The following IL7 variants were observed in gnomAD, a reference collection of about 807,000 sequenced individuals.
IL7 encodes interleukin 7, also known as interleukin-7.
In IL7, 3 loss-of-function variants were observed where a neutral mutation model predicts 21.6. The observed-to-expected ratio is 0.14, with a 90% CI of 0.06 to 0.36. The LOEUF (loss-of-function observed/expected upper bound fraction) is 0.36. IL7 is among the 10% of genes least tolerant of loss of function. The probability of loss-of-function intolerance (pLI) is 1.00; values close to 1 mark genes in which losing one functional copy is unlikely to be tolerated. For missense variants in IL7, 175 were observed against 200.2 expected, an observed-to-expected ratio of 0.87 and a Z score of 0.76; for synonymous variants, 62 against 68.1, an observed-to-expected ratio of 0.91 and a Z score of 0.44.
intron 2 of IL7, among the ~76,000 whole-genome samples, chr8:78,764,940 C>T (rs772001825): frequency 6.6e-6 from 1 of 152,086 alleles, no homozygotes; most frequent in Non-Finnish European, 1.5e-5. Context: ...CTACCATAAA[C>T]TTACAGTAAT....
intron 5 of IL7, chr8:78,719,362 G>C (rs1323772005): frequency 6.6e-6 from 1 of 151,674 alleles, no homozygotes; most frequent in Admixed American, 6.6e-5. Flanking sequence ...ATGGAGATGA[G>C]TTGGTAAGAA....
At chr8:78,781,324 T>C (rs1410353626) in intron 2 of IL7, among the ~76,000 whole-genome samples, 1 of 152,178 alleles carries the variant, frequency 6.6e-6, no homozygotes, top group African/African-American at 2.4e-5. Flanking sequence ...TTGGTCTGTG[T>C]ACTTCAGTGT....
chr8:78,776,024 G>A (rs1813126654), intron 2 of IL7, among the ~76,000 whole-genome samples: 1 of 151,944 alleles, frequency 6.6e-6, no homozygotes, highest in South Asian at 2.1e-4. Context: ...CCCTATATAT[G>A]CGGTACTTTT....
At chr8:78,678,739 A>G (rs956266912) in intron 4 of IL7, 7 of 1,156,018 alleles carry the variant, frequency 6.1e-6, no homozygotes, top group Non-Finnish European at 7.3e-6. Flanking sequence ...GAAAAATATT[A>G]TATTATCTGT....
intron 3 of IL7, among the ~76,000 whole-genome samples, chr8:78,700,828 A>G (rs1810578709): frequency 6.6e-6 from 1 of 152,050 alleles, no homozygotes; most frequent in African/African-American, 2.4e-5. Context: ...GTGTGGTCTT[A>G]CTTCTGGGCT....
intron 2 of IL7, among the ~76,000 whole-genome samples, chr8:78,790,097 T>C (rs188240212): frequency 8.9e-4 from 136 of 152,262 alleles, no homozygotes; most frequent in East Asian, 1.7e-3. Flanking sequence ...GTTAAAGATA[T>C]TGGAAGTTGT....
intron 3 of IL7, chr8:78,712,083 A>ATAACT (rs1359167761): frequency 7.8e-7 from 1 of 1,289,194 alleles, no homozygotes; most frequent in African/African-American, 1.5e-5. Flanking sequence ...CCATCAAAAG[A>ATAACT]CATGAGTTAT....
At chr8:78,728,189 T>C (rs924179584), downstream of IL7, among the ~76,000 whole-genome samples, 11 of 152,118 alleles carry the variant, frequency 7.2e-5, no homozygotes, top group Middle Eastern at 3.4e-3. Context: ...ACAGTACAGA[T>C]GCCATTTCTT....
intron 2 of IL7, chr8:78,761,902 C>T: frequency 6.2e-7 from 1 of 1,611,372 alleles, no homozygotes; most frequent in South Asian, 1.1e-5. Flanking sequence ...GCCTTCCCAT[C>T]AGAATCAAGA....
intron 1 of IL7, among the ~76,000 whole-genome samples, chr8:78,803,687 A>C (rs1253772467): frequency 1.3e-5 from 2 of 152,202 alleles, no homozygotes; most frequent in Non-Finnish European, 2.9e-5. Flanking sequence ...GATTAGAACC[A>C]AGGGTGATCC....
In IL7 at chr8:78,698,848, C is replaced by T. The variant is rs189642857; in HGVS notation, n.215-12901G>A. On this transcript the variant is annotated intron_variant and non_coding_transcript_variant, in intron 3 of 4. Coordinates refer to the IL7 transcript ENST00000523959. ...ACTATGTATCAGGCACTGTGCTAGA[C>T]ATTTTGCATATATTTTTGTTAAAAC... 4.6e-5 allele frequency among the ~76,000 whole-genome samples: 7 copies of T among 152,198 alleles called. No individual in the cohort carries two copies. In the East Asian group the frequency reaches 1.4e-3, roughly 29 times the overall value.
intron 2 of IL7, among the ~76,000 whole-genome samples, chr8:78,762,667 TTGTGTCCTCTTGTATTTGTATC>T (rs1425340075): frequency 2.6e-5 from 4 of 151,900 alleles, no homozygotes; most frequent in African/African-American, 9.7e-5. Flanking sequence ...TTTTTTTCTA[TTGTGTCCTCTTGTATTTGTATC>T]TGTGTCCTCT....
chr8:78,716,253 G>T (rs1370472619), downstream of IL7, among the ~76,000 whole-genome samples: 1 of 151,404 alleles, frequency 6.6e-6, no homozygotes. Flanking sequence ...CTCCCGAGTA[G>T]CTGGGACTAC....
At chr8:78,804,818 C>T (rs1276314009) in intron 1 of IL7, 95 bp downstream of exon 1, 4 of 1,454,418 alleles carry the variant, frequency 2.8e-6, no homozygotes, top group African/African-American at 2.8e-5. Flanking sequence ...CGGGCTATTC[C>T]CGGACTTGCC....
chr8:78,682,555 G>A (rs1286523353), intron 4 of IL7, among the ~76,000 whole-genome samples: 4 of 152,084 alleles, frequency 2.6e-5, no homozygotes, highest in East Asian at 1.9e-4. Context: ...ACCTGCCCCC[G>A]TGATTCAATT....
At chr8:78,746,076 T>G (rs1032806171) in intron 2 of IL7, among the ~76,000 whole-genome samples, 4 of 152,252 alleles carry the variant, frequency 2.6e-5, no homozygotes, top group African/African-American at 9.6e-5. Context: ...GTAGATTCCT[T>G]TACCTTATAC....
At chr8:78,727,782 T>C (rs138953234), downstream of IL7, among the ~76,000 whole-genome samples, 417 of 152,004 alleles carry the variant, frequency 2.7e-3, no homozygotes, top group African/African-American at 9.4e-3. Context: ...AGAAGATAAA[T>C]TAAGAATTTT....
chr8:78,747,566 T>C (rs16906063), intron 2 of IL7, among the ~76,000 whole-genome samples: 35,069 of 152,164 alleles, frequency 0.23, 5,222 homozygotes, highest in African/African-American at 0.42. Context: ...TTGAAAAAGG[T>C]GTATATTGTT....
intron 2 of IL7, among the ~76,000 whole-genome samples, chr8:78,768,664 G>C (rs1446477947): frequency 6.6e-6 from 1 of 151,818 alleles, no homozygotes; most frequent in East Asian, 1.9e-4. Flanking sequence ...GTAGATTCTG[G>C]ATATTAGCCC....
Sources: allele counts gnomAD v4.1 joint callset (sites outside exome capture counted in the v4.1 genomes callset), GRCh38; gene constraint gnomAD v4.1.1; transcripts MANE v1.5; gene names NCBI Gene and HGNC (gene_info 2026-07-23, HGNC 2026-07-21).